The following PSMA1 variants were observed in gnomAD, a reference collection of about 807,000 sequenced individuals.
PSMA1 encodes the protein proteasome 20S subunit alpha 1, also known as proteasome subunit alpha type-1.
PSMA1 carries 3 observed loss-of-function variants against 38.4 expected under a neutral mutation model. That is an observed-to-expected ratio of 0.08 (90% CI 0.04 to 0.20). PSMA1 has a LOEUF of 0.20. Ranked by LOEUF, PSMA1 falls within the 10% of genes least tolerant of loss-of-function variation. The pLI is 1.00. For missense variants in PSMA1, 227 were observed against 325.3 expected (o/e 0.70, Z 2.32); for synonymous variants, 101 against 107.1 (o/e 0.94, Z 0.35).
intron 2 of PSMA1, among the ~76,000 whole-genome samples, chr11:14,608,600 T>A (rs1447374346): frequency 6.8e-6 from 1 of 148,082 alleles, no homozygotes; most frequent in East Asian, 1.9e-4. Flanking sequence ...AAATTTTATA[T>A]ATATAAAATA....
intron 8 of PSMA1, among the ~76,000 whole-genome samples, chr11:14,510,156 C>A (rs557712330): frequency 6.6e-6 from 1 of 152,172 alleles, no homozygotes; most frequent in South Asian, 2.1e-4. Flanking sequence ...TATGGGACCT[C>A]CATTACCTCT....
chr11:14,582,684 A>ATTTTTTTTTTTTT (rs71044011), intron 2 of PSMA1, among the ~76,000 whole-genome samples: 1 of 138,838 alleles, frequency 7.2e-6, no homozygotes, highest in African/African-American at 2.7e-5. Context: ...GGCCCAGCTA[A>ATTTTTTTTTTTTT]TTTTTTTTTT....
At chr11:14,598,781 A>G (rs1043278017) in intron 2 of PSMA1, among the ~76,000 whole-genome samples, 2 of 151,086 alleles carry the variant, frequency 1.3e-5, no homozygotes, top group East Asian at 1.9e-4. Context: ...TCATCCTGTC[A>G]TTATGATGTT....
At chr11:14,584,481 G>C (rs530848653) in intron 2 of PSMA1, among the ~76,000 whole-genome samples, 224 of 149,916 alleles carry the variant, frequency 1.5e-3, no homozygotes, top group African/African-American at 5.1e-3. Flanking sequence ...GTGATAATAT[G>C]GTTTGGAGTG....
intron 1 of PSMA1, among the ~76,000 whole-genome samples, chr11:14,616,870 C>A (rs2134201441): frequency 1.3e-5 from 2 of 152,268 alleles, no homozygotes; most frequent in African/African-American, 4.8e-5. Context: ...ATGCACCTAA[C>A]CACTACATTA....
intron 2 of PSMA1, among the ~76,000 whole-genome samples, chr11:14,555,635 C>G (rs1589991459): frequency 2.0e-5 from 3 of 152,274 alleles, no homozygotes; most frequent in Non-Finnish European, 2.9e-5. Context: ...TACTTTTTCT[C>G]TCTTGACTTT....
At position 14,520,292 on chromosome 11, in the gene PSMA1, C is replaced by A; in HGVS notation, c.3+5G>T. 1 of 1,614,134 alleles carries A rather than the reference C, an allele frequency of 6.2e-7. No individual in the cohort carries two copies. Among genetic ancestry groups the A allele is most frequent in the Non-Finnish European group, 8.5e-7 (1 of 1,179,960 alleles). On this transcript the variant is annotated splice_donor_5th_base_variant and intron_variant, in intron 1 of 9. Coordinates refer to ENST00000396394, the MANE Select transcript of PSMA1 (RefSeq NM_002786.4). ...AAACCTTCCAGAGATCGGGATTCAA[C>A]GTACCATGGTGGCGGCGCGGGCCTG...
intron 8 of PSMA1, 63 bp downstream of exon 8, chr11:14,510,809 A>C (rs1851330103): frequency 8.4e-7 from 1 of 1,193,794 alleles, no homozygotes. Flanking sequence ...ACTCCATTAC[A>C]TTTATGCAAT....
rs529223171 is a variant in PSMA1 at position 14,543,918 on chromosome 11, T to C, written c.22-24877A>G. ...AGTTCACTCATTTAAAGTGTTCTTA[T>C]GCCAAAAGTTTTCGGCATATTCACA... On this transcript the variant is annotated intron_variant, in intron 2 of 10. Transcript: ENST00000418988. 7.2e-5 allele frequency among the ~76,000 whole-genome samples: 11 copies of C among 152,366 alleles called. No homozygotes were observed. In the South Asian group the frequency reaches 2.1e-3, roughly 29 times the overall value.
intron 2 of PSMA1, among the ~76,000 whole-genome samples, chr11:14,606,817 G>C (rs1852649215): frequency 2.0e-5 from 3 of 152,112 alleles, no homozygotes; most frequent in Admixed American, 6.5e-5. Context: ...TCAATTATAA[G>C]GCAAAAAGGA....
intron 1 of PSMA1, among the ~76,000 whole-genome samples, chr11:14,638,585 A>ATTTTTTTTTTT (rs1162549899): frequency 1.2e-4 from 1 of 8,096 alleles, no homozygotes; most frequent in East Asian, 3.7e-3. Flanking sequence ...ATATATATAT[A>ATTTTTTTTTTT]TTTTTTTTTT....
chr11:14,547,873 A>G (rs1010372506), intron 2 of PSMA1, among the ~76,000 whole-genome samples: 1 of 152,158 alleles, frequency 6.6e-6, no homozygotes, highest in Non-Finnish European at 1.5e-5. Context: ...TCTGATTGGA[A>G]CAGAACTTAA....
Position 14,514,391 on chromosome 11 carries a change from T to C in PSMA1, c.343+12A>G. On this transcript the variant is annotated intron_variant, in intron 5 of 9. Transcript: ENST00000396394. Reference sequence around the variant, plus strand: ...AAGTTCATATCCATAAATGCTAACATAAAAAGGATACTGCTTCCAATTAGA... The same window carrying C: ...AAGTTCATATCCATAAATGCTAACACAAAAAGGATACTGCTTCCAATTAGA... 1.3e-6 allele frequency: 2 copies of C among 1,596,908 alleles called. No individual in the cohort carries two copies. The highest frequency in any genetic ancestry group is 1.7e-6 in the Non-Finnish European group (2 of 1,169,786).
chr11:14,633,309 G>C (rs1276493330), intron 1 of PSMA1, among the ~76,000 whole-genome samples: 5 of 152,136 alleles, frequency 3.3e-5, no homozygotes, highest in Non-Finnish European at 4.4e-5. Context: ...TGTACAGATG[G>C]GTTTTTGGTG....
At chr11:14,550,090 C>T (rs186887851) in intron 2 of PSMA1, among the ~76,000 whole-genome samples, 2 of 152,308 alleles carry the variant, frequency 1.3e-5, no homozygotes, top group East Asian at 3.9e-4. Context: ...GACCATATGA[C>T]TGCCCTCTGG....
intron 1 of PSMA1, among the ~76,000 whole-genome samples, chr11:14,634,203 G>C (rs1271336230): frequency 6.6e-6 from 1 of 152,208 alleles, no homozygotes; most frequent in Non-Finnish European, 1.5e-5. Context: ...CCCCCGGTCT[G>C]TGGAAAATTG....
At chr11:14,569,671 G>T (rs930202901) in intron 2 of PSMA1, among the ~76,000 whole-genome samples, 1 of 152,202 alleles carries the variant, frequency 6.6e-6, no homozygotes, top group African/African-American at 2.4e-5. Context: ...AGGTGCGTCT[G>T]CCATTGCTGA....
At chr11:14,600,686 C>T (rs1231729059) in intron 2 of PSMA1, among the ~76,000 whole-genome samples, 1 of 152,218 alleles carries the variant, frequency 6.6e-6, no homozygotes, top group Non-Finnish European at 1.5e-5. Context: ...TCCCCTGACC[C>T]CTTGTGCTTC....
At chr11:14,639,717 T>C (rs1427237092) in intron 1 of PSMA1, among the ~76,000 whole-genome samples, 1 of 152,244 alleles carries the variant, frequency 6.6e-6, no homozygotes, top group Admixed American at 6.5e-5. Context: ...GTTATCCAAA[T>C]GCACTATAGC....
Sources: allele counts gnomAD v4.1 joint callset (sites outside exome capture counted in the v4.1 genomes callset), GRCh38; gene constraint gnomAD v4.1.1; transcripts MANE v1.5; gene names NCBI Gene and HGNC (gene_info 2026-07-23, HGNC 2026-07-21).